MICAL2: variants seen among roughly 807,000 people sequenced by gnomAD.
The protein encoded by MICAL2 is microtubule associated monooxygenase, calponin and LIM domain containing 2, also known as [F-actin]-monooxygenase MICAL2.
Under a neutral mutation model 127.3 loss-of-function variants are expected in MICAL2, and 77 were observed. The ratio of observed to expected loss-of-function variants is 0.60; its 90% confidence interval spans 0.50 to 0.73. MICAL2 has a LOEUF of 0.73. Ranked by LOEUF, MICAL2 falls within the 30% of genes least tolerant of loss-of-function variation. MICAL2 has a pLI of 0.00. For missense variants in MICAL2, 1,351 were observed against 1,434.4 expected, an observed-to-expected ratio of 0.94 and a Z score of 0.94; for synonymous variants, 570 against 551.1, an observed-to-expected ratio of 1.03 and a Z score of -0.48.
At chr11:12,311,114 T>A (rs1003158886) in intron 29 of MICAL2, among the ~76,000 whole-genome samples, 10 of 152,158 alleles carry the variant, frequency 6.6e-5, no homozygotes, top group Non-Finnish European at 1.3e-4. Context: ...GAATACAAAA[T>A]CATGTCATCT....
chr11:12,345,116 C>CAAAAAAAAAAAAAAAAAA (rs796748173), intron 32 of MICAL2, among the ~76,000 whole-genome samples: 3 of 110,566 alleles, frequency 2.7e-5, no homozygotes, highest in African/African-American at 1.0e-4. Flanking sequence ...GAATCCATCT[C>CAAAAAAAAAAAAAAAAAA]AAAAAAAAAA....
chr11:12,280,716 C>G lies in MICAL2; in HGVS notation c.88-217C>G, dbSNP rs150775587. 1.8e-3 allele frequency among the ~76,000 whole-genome samples: 278 copies of G among 152,346 alleles called. 4 individuals are homozygous for G. Among genetic ancestry groups the G allele is most frequent in the African/African-American group, 6.0e-3 (249 of 41,584 alleles). On this transcript the variant is annotated intron_variant, in intron 1 of 2. Coordinates refer to the MICAL2 transcript ENST00000529028. ...TAAAGGCCTTATCTCTAGATGCAGTCATATCTGAAGGTACTTGGGGTTAGG... is the reference window on the plus strand; with the variant it reads ...TAAAGGCCTTATCTCTAGATGCAGTGATATCTGAAGGTACTTGGGGTTAGG...
chr11:12,181,597 G>A (rs1248424408), intron 3 of MICAL2, among the ~76,000 whole-genome samples: 1 of 152,204 alleles, frequency 6.6e-6, no homozygotes. Flanking sequence ...GAAGTAGGTA[G>A]ATGTGTTTAA....
chr11:12,353,315 C>T (rs55880262), intron 33 of MICAL2, among the ~76,000 whole-genome samples: 2 of 152,190 alleles, frequency 1.3e-5, no homozygotes, highest in African/African-American at 4.8e-5. Flanking sequence ...TTTGACCTTT[C>T]TCTTTTCTCT....
At chr11:12,192,189 C>T (rs1054552817) in intron 3 of MICAL2, among the ~76,000 whole-genome samples, 23 of 152,132 alleles carry the variant, frequency 1.5e-4, no homozygotes, top group East Asian at 1.4e-3. Flanking sequence ...ATGTGCTAAT[C>T]TGAGGGATCT....
intron 3 of MICAL2, among the ~76,000 whole-genome samples, chr11:12,166,912 G>C (rs573380896): frequency 6.6e-6 from 1 of 152,258 alleles, no homozygotes; most frequent in East Asian, 1.9e-4. Flanking sequence ...TATATTCTAG[G>C]GAGAGTGTGT....
At position 12,256,934 on chromosome 11, in the gene MICAL2, C is replaced by T; in HGVS notation, c.3105C>T (p.Thr1035=). The T allele has an allele frequency of 6.2e-7, 1 of 1,614,070 alleles. No individual in the cohort carries two copies. Among genetic ancestry groups the T allele is most frequent in the Non-Finnish European group, 8.5e-7 (1 of 1,179,972 alleles). Residue 1035 remains threonine, a synonymous_variant, in exon 24 of 28, where the codon ACC becomes ACT. Transcript: ENST00000683283. The stretch of plus-strand genomic sequence containing the variant: ...TCCGCTGCAGCATCTGTGCCACCAC[C>T]TTGCGCCTGGCCGCCTACACCTTTG... ...ECFRCSICAT[T]LRLAAYTFDC...
intron 3 of MICAL2, among the ~76,000 whole-genome samples, chr11:12,165,000 G>C (rs931930624): frequency 6.6e-6 from 1 of 151,996 alleles, no homozygotes; most frequent in Non-Finnish European, 1.5e-5. Flanking sequence ...TTAGCCAGGT[G>C]TGGTGGCAAG....
At chr11:12,168,837 CGTGGGAGGCTGAG>C (rs1565085411) in intron 3 of MICAL2, among the ~76,000 whole-genome samples, 1 of 151,052 alleles carries the variant, frequency 6.6e-6, no homozygotes, top group Non-Finnish European at 1.5e-5. Flanking sequence ...GTCCCAGCTA[CGTGGGAGGCTGAG>C]GTGGGAGGAT....
chr11:12,168,450 A>G (rs1855814017), intron 3 of MICAL2, among the ~76,000 whole-genome samples: 1 of 151,552 alleles, frequency 6.6e-6, no homozygotes, highest in Non-Finnish European at 1.5e-5. Flanking sequence ...TACACACACC[A>G]CACACACGTA....
chr11:12,186,787 G>A (rs1162192964), intron 3 of MICAL2, among the ~76,000 whole-genome samples: 1 of 152,180 alleles, frequency 6.6e-6, no homozygotes, highest in Non-Finnish European at 1.5e-5. Context: ...CACAGGTGGT[G>A]GGGACCCCAG....
intron 3 of MICAL2, among the ~76,000 whole-genome samples, chr11:12,172,548 A>G (rs938495778): frequency 6.6e-6 from 1 of 152,290 alleles, no homozygotes; most frequent in East Asian, 1.9e-4. Flanking sequence ...GGGAGACATC[A>G]TGGTTCTCAG....
chr11:12,114,075 A>G lies in MICAL2; in HGVS notation c.-149+3349A>G, dbSNP rs143827943. 4.2e-3 allele frequency among the ~76,000 whole-genome samples: 639 copies of G among 152,268 alleles called. 3 individuals are homozygous for G. Among genetic ancestry groups the G allele is most frequent in the African/African-American group, 0.015 (615 of 41,540 alleles). On this transcript the variant is annotated intron_variant, in intron 1 of 27. Coordinates refer to ENST00000683283, the MANE Select transcript of MICAL2 (RefSeq NM_001282663.2). ...GTCCTCTCTCAAAAATATTACAAACATTTTCACATACACAAACTCATAATG... is the reference window on the plus strand; with the variant it reads ...GTCCTCTCTCAAAAATATTACAAACGTTTTCACATACACAAACTCATAATG...
chr11:12,323,943 T>C, intron 30 of MICAL2: 1 of 1,583,010 alleles, frequency 6.3e-7, no homozygotes, highest in African/African-American at 1.4e-5. Flanking sequence ...CCCATTTTTC[T>C]CTGACATAAT....
intron 3 of MICAL2, among the ~76,000 whole-genome samples, chr11:12,170,062 C>T (rs1246986104): frequency 6.6e-6 from 1 of 152,100 alleles, no homozygotes; most frequent in Non-Finnish European, 1.5e-5. Flanking sequence ...GGATTACTGC[C>T]ATCCTTGTAA....
chr11:12,261,882 C>A, intron 26 of MICAL2: 1 of 985,952 alleles, frequency 1.0e-6, no homozygotes, highest in Non-Finnish European at 1.2e-6. Context: ...ACCCTTGATT[C>A]CTTTTGTTTG....
chr11:12,145,651 T>A (rs1375081030), intron 2 of MICAL2, among the ~76,000 whole-genome samples: 4 of 152,216 alleles, frequency 2.6e-5, no homozygotes, highest in African/African-American at 9.6e-5. Flanking sequence ...ACTTCCCAAG[T>A]GTGTTGACAT....
At chr11:12,272,659 G>A (rs1264815286), upstream of MICAL2, among the ~76,000 whole-genome samples, 2 of 152,214 alleles carry the variant, frequency 1.3e-5, no homozygotes, top group African/African-American at 4.8e-5. Context: ...TTGCTCAGGA[G>A]TCTGTGGGTT....
chr11:12,247,322 C>G (rs376444765), intron 21 of MICAL2, among the ~76,000 whole-genome samples: 1 of 152,218 alleles, frequency 6.6e-6, no homozygotes, highest in South Asian at 2.1e-4. Flanking sequence ...AGAACAATTG[C>G]CCCATTTTTG....
Sources: gnomAD v4.1 joint callset for allele counts (sites outside exome capture counted in the v4.1 genomes callset) on GRCh38, gnomAD v4.1.1 for gene constraint, MANE v1.5 for transcripts, NCBI Gene and HGNC (gene_info 2026-07-23, HGNC 2026-07-21) for gene names.